PRDM11: variants seen among roughly 807,000 people sequenced by gnomAD.
The protein encoded by PRDM11 is PR/SET domain 11, also known as PR domain-containing protein 11.
PRDM11 carries 20 observed loss-of-function variants against 97.8 expected under a neutral mutation model. The ratio of observed to expected loss-of-function variants is 0.20; its 90% CI spans 0.14 to 0.30. The LOEUF is 0.30. PRDM11 is among the 10% of genes least tolerant of loss of function. The pLI is 1.00. For missense variants in PRDM11, 1,139 were observed against 1,555.2 expected (o/e 0.73, Z 4.50); for synonymous variants, 599 against 637.7 (o/e 0.94, Z 0.91).
chr11:45,187,772 G>C (rs777365258), intron 4 of PRDM11, among the ~76,000 whole-genome samples: 2 of 151,710 alleles, frequency 1.3e-5, no homozygotes, highest in African/African-American at 2.4e-5. Context: ...AGAGCCACCA[G>C]ATGCTTAAAG....
chr11:45,163,488 T>TGGGG (rs59697803), intron 1 of PRDM11, among the ~76,000 whole-genome samples: 7 of 149,576 alleles, frequency 4.7e-5, no homozygotes, highest in African/African-American at 1.5e-4. Flanking sequence ...TGCTTGAGGA[T>TGGGG]GGGGGGGGGT....
chr11:45,097,383 C>T (rs1022485079), intron 1 of PRDM11, among the ~76,000 whole-genome samples: 1 of 152,192 alleles, frequency 6.6e-6, no homozygotes, highest in Non-Finnish European at 1.5e-5. Context: ...AGCTACCAAA[C>T]GTGAGCATTT....
At chr11:45,174,450 A>G (rs1222766371) in intron 1 of PRDM11, among the ~76,000 whole-genome samples, 9 of 152,204 alleles carry the variant, frequency 5.9e-5, no homozygotes, top group Admixed American at 2.0e-4. Flanking sequence ...TTTAGTAGAC[A>G]TGATCTTCCA....
At chr11:45,151,801 G>A (rs1851666468) in intron 1 of PRDM11, among the ~76,000 whole-genome samples, 1 of 152,212 alleles carries the variant, frequency 6.6e-6, no homozygotes, top group South Asian at 2.1e-4. Flanking sequence ...CAGGCCCAGG[G>A]CATGGCTTGT....
intron 5 of PRDM11, among the ~76,000 whole-genome samples, chr11:45,206,268 A>T (rs765141872): frequency 2.0e-5 from 3 of 152,136 alleles, no homozygotes; most frequent in Non-Finnish European, 4.4e-5. Context: ...TTTCCAGTGT[A>T]GTTTTTGCAC....
At chr11:45,169,687 G>A (rs1045080530) in intron 1 of PRDM11, among the ~76,000 whole-genome samples, 3 of 151,126 alleles carry the variant, frequency 2.0e-5, no homozygotes, top group African/African-American at 7.3e-5. Context: ...AATGGGTTTT[G>A]ATATCCCCAG....
At chr11:45,137,429 C>CAA (rs143576245) in intron 1 of PRDM11, among the ~76,000 whole-genome samples, 3,697 of 140,266 alleles carry the variant, frequency 0.026, 154 homozygotes, top group African/African-American at 0.092. Context: ...GACTCCGTCT[C>CAA]AAAAAAAAAA....
Position 45,224,842 on chromosome 11 carries a change from A to G in PRDM11, c.1368A>G (p.Ala456=), listed in dbSNP as rs1854230493. The G allele has an allele frequency of 1.2e-6, 2 of 1,613,656 alleles. No homozygotes were observed. The highest frequency in any genetic ancestry group is 2.2e-5 in the East Asian group (1 of 44,876). Residue 456 remains alanine (A), a splice_region_variant and synonymous_variant, in exon 7 of 8, where the codon GCA becomes GCG. Coordinates refer to ENST00000683152, the MANE Select transcript of PRDM11 (RefSeq NM_001384648.1). ...AGCTCCCAGAGTTCTCGGACCCTGC[A>G]GGTAAGTTGGTTTGGATGAGATTAT... is the stretch of plus-strand genomic sequence containing the variant. The part of the protein sequence containing the change: ...VLELPEFSDP[A]ASESMVSGPA...
intron 1 of PRDM11, among the ~76,000 whole-genome samples, chr11:45,155,558 T>C (rs1488858272): frequency 6.6e-6 from 1 of 151,908 alleles, no homozygotes; most frequent in Non-Finnish European, 1.5e-5. Context: ...GGTGCCCCTC[T>C]TTAGGCCGGC....
intron 4 of PRDM11, among the ~76,000 whole-genome samples, chr11:45,200,292 A>G (rs752957397): frequency 5.3e-5 from 8 of 152,180 alleles, no homozygotes; most frequent in Non-Finnish European, 1.2e-4. Flanking sequence ...TCCAGATGAA[A>G]CTGCCAAGAC....
At chr11:45,212,710 G>A (rs1355731337) in intron 5 of PRDM11, 2 of 456,366 alleles carry the variant, frequency 4.4e-6, no homozygotes, top group Non-Finnish European at 8.8e-6. Flanking sequence ...GCCTTGACTG[G>A]CAGCTCCTCC....
intron 4 of PRDM11, among the ~76,000 whole-genome samples, chr11:45,184,841 G>A (rs967193883): frequency 9.2e-5 from 14 of 152,148 alleles, no homozygotes; most frequent in African/African-American, 3.4e-4. Context: ...TGGTCAGTGG[G>A]GGTGTGGGTG....
rs367656186 is a variant in PRDM11, at chr11:45,140,593, G to A, written c.97-41168G>A. On this transcript the variant is annotated intron_variant, in intron 1 of 6. Transcript: ENST00000530656. ...TAACAGGAAGCTCACCACTTGCAGTGGCAGCCCTTTTTGTTGGGTGGCTCC... is the reference window on the plus strand; with the variant it reads ...TAACAGGAAGCTCACCACTTGCAGTAGCAGCCCTTTTTGTTGGGTGGCTCC... Among the ~76,000 whole-genome samples, 35 of 152,210 alleles carry A rather than the reference G, an allele frequency of 2.3e-4. 2 individuals carry two copies. The highest frequency in any genetic ancestry group is 8.2e-4 in the African/African-American group (34 of 41,498).
Position 45,219,571 on chromosome 11 carries a change from T to TAC in PRDM11, c.557_558dup (p.Val187ThrfsTer45). ...TCACCTGTCTCCCCTCCCCACCAGG[T>TAC]ACGTGGTCATCTCCCGGGAGGAGAG... On this transcript the variant is annotated frameshift_variant and splice_region_variant, in exon 6 of 8. Coordinates refer to ENST00000683152, the MANE Select transcript of PRDM11 (RefSeq NM_001384648.1). LOFTEE classifies it high-confidence loss of function. This position sits in a 1 kb window ranked among gnomAD's most constrained non-coding sequence, Gnocchi z 4.2. The TAC allele has an allele frequency of 6.2e-7, 1 of 1,612,924 alleles. No individual in the cohort carries two copies. Among genetic ancestry groups the TAC allele is most frequent in the Non-Finnish European group, 8.5e-7 (1 of 1,179,158 alleles).
At position 45,230,650 on chromosome 11, in the gene PRDM11, A is replaced by G. The variant is rs1854382136; in HGVS notation, c.*2491A>G. The G allele has an allele frequency of 6.6e-6, 1 of 152,298 alleles. No individual in the cohort carries two copies. The highest frequency in any genetic ancestry group is 2.4e-5 in the African/African-American group (1 of 41,456). 9.4% of individuals were successfully genotyped at this position (152,298 alleles called of 1,614,324 possible). ...GTTGAGGGCAGAGATGGCTAGCAAG[A>G]CAGGGCTTGGTGAGGGCAGAAACAG... On this transcript the variant is annotated 3_prime_UTR_variant, in exon 8 of 8. Coordinates refer to ENST00000683152, the MANE Select transcript of PRDM11 (RefSeq NM_001384648.1).
chr11:45,219,586 C>G lies in PRDM11; in HGVS notation c.571C>G (p.Arg191Gly), dbSNP rs773640697. The G allele has an allele frequency of 6.2e-7, 1 of 1,613,824 alleles. No homozygotes were observed. The highest frequency in any genetic ancestry group is 1.3e-5 in the African/African-American group (1 of 75,008). ...CCCCACCAGGTACGTGGTCATCTCC[C>G]GGGAGGAGAGGGAGCAGAACCTGCT... The part of the protein sequence containing the change: ...ANWMRYVVIS[R>G]EEREQNLLAF... The change falls in exon 6 of 8, where the codon CGG (arginine) becomes GGG (glycine). Residue 191 changes from arginine to glycine, a missense_variant. Arg to Gly is a moderately radical substitution (Grantham distance 125). Coordinates refer to ENST00000683152, the MANE Select transcript of PRDM11 (RefSeq NM_001384648.1). The surrounding 1 kb of genome is among the most constrained non-coding windows in gnomAD (Gnocchi z 4.2).
intron 4 of PRDM11, among the ~76,000 whole-genome samples, chr11:45,192,454 C>G (rs530623610): frequency 1.3e-5 from 2 of 152,202 alleles, no homozygotes; most frequent in Non-Finnish European, 2.9e-5. Flanking sequence ...GTTATTGAAT[C>G]ACAAACCAAA....
intron 6 of PRDM11, among the ~76,000 whole-genome samples, chr11:45,223,694 C>T (rs530093656): frequency 2.0e-5 from 3 of 152,264 alleles, no homozygotes; most frequent in African/African-American, 4.8e-5. Flanking sequence ...ATAGGATGGA[C>T]TTTGCCTTAA....
chr11:45,195,353 C>G (rs1260071657), intron 4 of PRDM11, among the ~76,000 whole-genome samples: 1 of 152,114 alleles, frequency 6.6e-6, no homozygotes, highest in African/African-American at 2.4e-5. Flanking sequence ...TTCCCCTCTT[C>G]CAATCCCCTT....
Sources: gnomAD v4.1 joint callset for allele counts (sites outside exome capture counted in the v4.1 genomes callset) on GRCh38, gnomAD v4.1.1 for gene constraint, Gnocchi (gnomAD v3.1) non-coding constraint, MANE v1.5 for transcripts, NCBI Gene and HGNC (gene_info 2026-07-23, HGNC 2026-07-21) for gene names.